Variants in SDC1 observed in about 807,000 individuals in gnomAD.
SDC1 encodes syndecan 1.
A neutral mutation model predicts 29.7 loss-of-function variants in SDC1; 14 were observed. That is an observed-to-expected ratio of 0.47 (90% CI 0.31 to 0.74). SDC1 has a LOEUF of 0.74. SDC1 is among the 30% of genes least tolerant of loss of function. The probability of loss-of-function intolerance (pLI) is 0.05; values close to 1 mark genes in which losing one functional copy is unlikely to be tolerated. For synonymous variants in SDC1, 204 were observed against 175.5 expected (o/e 1.16, Z -1.29); for missense variants, 406 against 400.3 (o/e 1.01, Z -0.12).
At chr2:20,209,336 CACT>C (rs1402441044) in intron 1 of SDC1, among the ~76,000 whole-genome samples, 2 of 152,216 alleles carry the variant, frequency 1.3e-5, no homozygotes, top group African/African-American at 4.8e-5. Flanking sequence ...GCCGCCCAGA[CACT>C]ACAACTCCCC....
At chr2:20,211,589 T>C (rs1264586204) in intron 1 of SDC1, among the ~76,000 whole-genome samples, 1 of 152,224 alleles carries the variant, frequency 6.6e-6, no homozygotes, top group Non-Finnish European at 1.5e-5. Context: ...CCTTCGTGCC[T>C]GGGGCTGAGC....
At chr2:20,211,372 TAGCAAC>T (rs1244642850) in intron 1 of SDC1, among the ~76,000 whole-genome samples, 1 of 152,096 alleles carries the variant, frequency 6.6e-6, no homozygotes, top group Non-Finnish European at 1.5e-5. Context: ...AGGCACTGAG[TAGCAAC>T]AGAGCCCTGT....
chr2:20,217,863 T>C lies in SDC1; in HGVS notation c.66+6939A>G, dbSNP rs140191564. On this transcript the variant is annotated intron_variant, in intron 1 of 4. Coordinates refer to ENST00000254351, the MANE Select transcript of SDC1 (RefSeq NM_002997.5). ...AGGTGCCAGGACTCTTGGGTGTGTG[T>C]GCGGAGAACATCATACAGCCCCAGC... Among the ~76,000 whole-genome samples the C allele has an allele frequency of 2.8e-4, 42 of 152,228 alleles. No homozygotes were observed. In the East Asian group the frequency reaches 7.2e-3, roughly 26 times the overall value.
Position 20,202,721 on chromosome 2 carries a change from G to A in SDC1, c.*45C>T. On this transcript the variant is annotated 3_prime_UTR_variant, in exon 5 of 5. Coordinates refer to ENST00000254351, the MANE Select transcript of SDC1 (RefSeq NM_002997.5). ...CAGTTCTTCAAGGAAGAGGCAAGTG[G>A]GGGCCTAGTGAGTGGCAGGGCGGAG... 2 of 1,531,928 alleles carry A rather than the reference G, an allele frequency of 1.3e-6. No homozygotes were observed. 94.9% of individuals were successfully genotyped at this position (1,531,928 alleles called of 1,614,324 possible). A position where few individuals can be genotyped will look rare whatever the true frequency, so the allele number is the denominator to read the frequency against.
chr2:20,211,027 G>A (rs1478677107), intron 1 of SDC1, among the ~76,000 whole-genome samples: 1 of 152,082 alleles, frequency 6.6e-6, no homozygotes, highest in Non-Finnish European at 1.5e-5. Flanking sequence ...GGACTCTTGG[G>A]GGCTGATATC....
At chr2:20,208,999 G>A (rs997725785) in intron 1 of SDC1, among the ~76,000 whole-genome samples, 11 of 152,202 alleles carry the variant, frequency 7.2e-5, no homozygotes, top group Admixed American at 1.3e-4. Context: ...GGTTTGGCTC[G>A]CCTAGGGGCT....
Position 20,203,826 on chromosome 2 carries a change from C to T in SDC1, c.614G>A (p.Gly205Asp), listed in dbSNP as rs760289739. ...GAGGCCACTCACCTGCTCCCCAGAG[C>T]CCTCTGCTGCTGGGAGCTGACTGGA... is the stretch of plus-strand genomic sequence containing the variant. ...GASSQLPAAEGSGEQDFTFET... is the reference protein window; with the variant it reads ...GASSQLPAAEDSGEQDFTFET... Residue 205 changes from glycine to aspartate, a missense_variant, in exon 3 of 5, where the codon GGC becomes GAC. Transcript: ENST00000254351. 1 of 1,590,184 alleles carries T rather than the reference C, an allele frequency of 6.3e-7. No individual in the cohort carries two copies. The highest frequency in any genetic ancestry group is 1.1e-5 in the South Asian group (1 of 89,740).
chr2:20,218,648 C>G (rs1211544051), intron 1 of SDC1, among the ~76,000 whole-genome samples: 1 of 151,408 alleles, frequency 6.6e-6, no homozygotes, highest in Non-Finnish European at 1.5e-5. Flanking sequence ...CAGACACACA[C>G]ACACACAGAG....
rs1348635084 is a variant in SDC1, at chr2:20,201,291, A to T, written c.*1475T>A. 1 of 152,220 alleles carries T rather than the reference A, an allele frequency of 6.6e-6. No individual in the cohort carries two copies. The highest frequency in any genetic ancestry group is 1.5e-5 in the Non-Finnish European group (1 of 68,036). 9.4% of individuals were successfully genotyped at this position (152,220 alleles called of 1,614,324 possible). On this transcript the variant is annotated 3_prime_UTR_variant, in exon 5 of 5. Coordinates refer to ENST00000254351, the MANE Select transcript of SDC1 (RefSeq NM_002997.5). ...CATCAGCCTTATAAAACCTTGGCTGAACCTACCGACCTCCAGGAGAATTTC... is the reference window on the plus strand; with the variant it reads ...CATCAGCCTTATAAAACCTTGGCTGTACCTACCGACCTCCAGGAGAATTTC...
chr2:20,209,511 G>C (rs1278453023), intron 1 of SDC1, among the ~76,000 whole-genome samples: 2 of 152,240 alleles, frequency 1.3e-5, no homozygotes, highest in Non-Finnish European at 2.9e-5. Context: ...ACGCTACCCA[G>C]GGACCAGCCC....
intron 1 of SDC1, 103 bp from the exon 2 acceptor site, chr2:20,205,527 T>TGTGCA: frequency 1.1e-6 from 1 of 891,952 alleles, no homozygotes; most frequent in Non-Finnish European, 1.8e-6. Context: ...TACCCTGTGC[T>TGTGCA]GCACAGGTAC....
At position 20,224,662 on chromosome 2, in the gene SDC1, C is replaced by T. The variant is rs1677934095; in HGVS notation, c.66+140G>A. 9.5e-7 allele frequency: 1 copy of T among 1,050,326 alleles called. No individual in the cohort carries two copies. Among genetic ancestry groups the T allele is most frequent in the Non-Finnish European group, 1.2e-6 (1 of 834,826 alleles). 65.1% of individuals were successfully genotyped at this position (1,050,326 alleles called of 1,614,324 possible). A position where few individuals can be genotyped will look rare whatever the true frequency, so the allele number is the denominator to read the frequency against. On this transcript the variant is annotated intron_variant, in intron 1 of 4. Transcript: ENST00000254351. This position sits in a 1 kb window ranked among gnomAD's most constrained non-coding sequence, Gnocchi z 4.9. ...CTGGAGCCCTGGTCTCGGGGCTCAC[C>T]GTCCCGGGACCCGCTGGGCTAGCGC...
intron 1 of SDC1, among the ~76,000 whole-genome samples, chr2:20,218,149 G>A (rs1677691729): frequency 1.3e-5 from 2 of 152,340 alleles, no homozygotes; most frequent in South Asian, 4.1e-4. Flanking sequence ...ACTGAGGACA[G>A]GAAGAACGAC....
chr2:20,218,171 G>A (rs974385028), intron 1 of SDC1, among the ~76,000 whole-genome samples: 2 of 152,236 alleles, frequency 1.3e-5, no homozygotes, highest in Admixed American at 6.5e-5. Context: ...CTTTGGCAGA[G>A]GAGGAAACTG....
In SDC1 at chr2:20,201,130, C is replaced by A. The variant is rs1166312162; in HGVS notation, c.*1636G>T. The A allele has an allele frequency of 6.6e-6, 1 of 152,298 alleles. No individual in the cohort carries two copies. The highest frequency in any genetic ancestry group is 1.5e-5 in the Non-Finnish European group (1 of 68,102). The allele number at this position is 152,298 out of a possible 1,614,324, so 9.4% of individuals were successfully genotyped here. On this transcript the variant is annotated 3_prime_UTR_variant, in exon 5 of 5. Transcript: ENST00000254351. The stretch of plus-strand genomic sequence containing the variant: ...CTGCAGCCGGGTGGGAGGAGGATGT[C>A]CAAGGTGTCTGCGGGGTAGGCCTCG...
intron 1 of SDC1, among the ~76,000 whole-genome samples, chr2:20,217,364 G>A (rs945304688): frequency 1.3e-5 from 2 of 152,152 alleles, no homozygotes; most frequent in African/African-American, 4.8e-5. Context: ...CCAGGATCTG[G>A]GCTTTAGATC....
chr2:20,224,813 G>A lies in SDC1; in HGVS notation c.55C>T (p.Pro19Ser). 1 of 1,298,850 alleles carries A rather than the reference G, an allele frequency of 7.7e-7. No individual in the cohort carries two copies. The highest frequency in any genetic ancestry group is 9.8e-7 in the Non-Finnish European group (1 of 1,024,468). 80.5% of individuals were successfully genotyped at this position (1,298,850 alleles called of 1,614,324 possible). A position where few individuals can be genotyped will look rare whatever the true frequency, so the allele number is the denominator to read the frequency against. Residue 19 changes from proline to serine, a missense_variant, in exon 1 of 5, where the codon CCG becomes TCG. By Grantham distance (74) the Pro-to-Ser change is moderately conservative. Coordinates refer to ENST00000254351, the MANE Select transcript of SDC1 (RefSeq NM_002997.5). This position sits in a 1 kb window ranked among gnomAD's most constrained non-coding sequence, Gnocchi z 4.9. ...CCGGCCGCACTCACCGGCAGGGCCG[G>A]CTGCAGGCTCAGCGCCAGCGCGCAC... The part of the protein sequence containing the change: ...WLCALALSLQ[P>S]ALPQIVATNL...
intron 1 of SDC1, among the ~76,000 whole-genome samples, chr2:20,209,069 G>A (rs1013122445): frequency 6.6e-6 from 1 of 152,166 alleles, no homozygotes; most frequent in African/African-American, 2.4e-5. Flanking sequence ...GTAAGGGTCA[G>A]GTCAGCCCAT....
intron 1 of SDC1, among the ~76,000 whole-genome samples, chr2:20,216,595 C>A (rs1677633062): frequency 6.6e-6 from 1 of 152,194 alleles, no homozygotes; most frequent in Non-Finnish European, 1.5e-5. Context: ...TGACAGGAAG[C>A]TACTGGAGGT....
Sources: gnomAD v4.1 joint callset for allele counts (sites outside exome capture counted in the v4.1 genomes callset) on GRCh38, gnomAD v4.1.1 for gene constraint, Gnocchi (gnomAD v3.1) non-coding constraint, MANE v1.5 for transcripts, NCBI Gene and HGNC (gene_info 2026-07-23, HGNC 2026-07-21) for gene names.